The following PCYT1B variants were observed in gnomAD, a reference collection of about 807,000 sequenced individuals.
The protein encoded by PCYT1B is phosphate cytidylyltransferase 1B, choline, also known as choline-phosphate cytidylyltransferase B.
PCYT1B carries 10 observed loss-of-function variants against 26.4 expected under a neutral mutation model. The observed-to-expected ratio is 0.38, with a 90% CI of 0.23 to 0.64. PCYT1B has a LOEUF of 0.64. Among genes scored for constraint, PCYT1B ranks in the 30% least tolerant of loss-of-function variants. PCYT1B has a pLI of 0.56. For missense variants in PCYT1B, 161 were observed against 292.7 expected, an observed-to-expected ratio of 0.55 and a Z score of 3.28; for synonymous variants, 131 against 108.4, an observed-to-expected ratio of 1.21 and a Z score of -1.29.
At chrX:24,671,455 A>G (rs1260626473) in intron 1 of PCYT1B, among the ~76,000 whole-genome samples, 4 of 111,321 alleles carry the variant, frequency 3.6e-5, no homozygotes, top group African/African-American at 1.3e-4. Context: ...AATTTAAGAT[A>G]ACATGGAGGT....
chrX:24,572,289 C>CAT (rs79697857), intron 7 of PCYT1B, among the ~76,000 whole-genome samples: 237 of 109,965 alleles, frequency 2.2e-3, no homozygotes, highest in African/African-American at 7.8e-3. Context: ...CACACACACA[C>CAT]GTATATGGGG....
chrX:24,647,121 C>T lies in PCYT1B; in HGVS notation c.-16G>A. 2 of 1,208,691 alleles carry T rather than the reference C, an allele frequency of 1.7e-6. No homozygotes were observed. Among genetic ancestry groups the T allele is most frequent in the Non-Finnish European group, 2.2e-6 (2 of 893,432 alleles). On this transcript the variant is annotated 5_prime_UTR_variant, in exon 1 of 8. Transcript: ENST00000379144. ...CTACTGGCATGGCCAGTGAATGCTC[C>T]CTCTAGCTCTACACCCTCAGAGAGT...
At chrX:24,576,828 T>A (rs1315541151) in intron 6 of PCYT1B, among the ~76,000 whole-genome samples, 2 of 111,369 alleles carry the variant, frequency 1.8e-5, no homozygotes, top group African/African-American at 6.5e-5. Flanking sequence ...TGGGCCTCTG[T>A]TTCCTCATTT....
chrX:24,597,155 C>T (rs1471401645), intron 3 of PCYT1B, among the ~76,000 whole-genome samples: 4 of 105,609 alleles, frequency 3.8e-5, no homozygotes, highest in Non-Finnish European at 7.8e-5. Context: ...GATGGAGTCT[C>T]GCTCTGTCAC....
chrX:24,642,075 T>A (rs760392835), intron 1 of PCYT1B, among the ~76,000 whole-genome samples: 17 of 113,349 alleles, frequency 1.5e-4, no homozygotes, highest in Non-Finnish European at 2.6e-4. Flanking sequence ...AAGTCTAATA[T>A]GTTAAAGTCA....
chrX:24,619,040 C>T lies in PCYT1B; in HGVS notation c.162G>A (p.Gln54=), dbSNP rs6628025. The change falls in exon 2 of 8, where the codon CAG becomes CAA. Residue 54 remains glutamine, a synonymous_variant. Transcript: ENST00000379144. ...PAPFADETNC[Q]CQAPHEKLTI... ...TCAGTTTTTCATGGGGTGCTTGACACTGGCAGTTGGTTTCATCAGCAAATG... is the reference window on the plus strand; with the variant it reads ...TCAGTTTTTCATGGGGTGCTTGACATTGGCAGTTGGTTTCATCAGCAAATG... 7 of 1,190,030 alleles carry T rather than the reference C, an allele frequency of 5.9e-6. No homozygotes were observed. In the East Asian group the frequency reaches 2.1e-4, roughly 36 times the overall value.
upstream of PCYT1B, among the ~76,000 whole-genome samples, chrX:24,649,686 T>C (rs1196429124): frequency 1.8e-5 from 2 of 111,870 alleles, no homozygotes; most frequent in East Asian, 5.6e-4. Flanking sequence ...GCCATTCCTT[T>C]AGACTCCCAA....
intron 1 of PCYT1B, among the ~76,000 whole-genome samples, chrX:24,656,236 G>GC (rs1555966047): frequency 1.9e-4 from 19 of 98,951 alleles, no homozygotes; most frequent in Admixed American, 7.8e-4. Context: ...TCGCGGGGGG[G>GC]GGTGGTAATC....
intron 1 of PCYT1B, among the ~76,000 whole-genome samples, chrX:24,623,364 CATATATATATATAT>C (rs57642734): frequency 0.021 from 1,704 of 79,579 alleles, 27 homozygotes; most frequent in South Asian, 0.059. Context: ...ATGAGATTTA[CATATATATATATAT>C]ATATATATAT....
chrX:24,571,193 G>A (rs113397434), intron 7 of PCYT1B, among the ~76,000 whole-genome samples: 13 of 111,047 alleles, frequency 1.2e-4, no homozygotes, highest in African/African-American at 2.6e-4. Context: ...GTGAAACCCC[G>A]TCTCTACTAA....
intron 1 of PCYT1B, among the ~76,000 whole-genome samples, chrX:24,657,696 C>G (rs1033701665): frequency 3.6e-5 from 4 of 111,904 alleles, no homozygotes; most frequent in African/African-American, 1.3e-4. Flanking sequence ...ACCTGCCAGT[C>G]TTAATTAGCT....
At chrX:24,628,964 C>T (rs1925962941) in intron 1 of PCYT1B, among the ~76,000 whole-genome samples, 1 of 111,721 alleles carries the variant, frequency 9.0e-6, no homozygotes. Flanking sequence ...TTGCCTCCTA[C>T]AAAAGCTGTA....
chrX:24,623,174 C>T (rs1372887000), intron 1 of PCYT1B, among the ~76,000 whole-genome samples: 3 of 109,634 alleles, frequency 2.7e-5, no homozygotes, highest in South Asian at 7.9e-4. Flanking sequence ...AGAAGGTATT[C>T]GTTTGAAAGG....
At chrX:24,621,461 ATTTTTATTTAT>A (rs1024330930) in intron 1 of PCYT1B, among the ~76,000 whole-genome samples, 1 of 111,147 alleles carries the variant, frequency 9.0e-6, no homozygotes, top group Admixed American at 9.7e-5. Flanking sequence ...AAATTGACTC[ATTTTTATTTAT>A]TTTTTATTTA....
chrX:24,569,838 T>G (rs1472342496), intron 7 of PCYT1B, among the ~76,000 whole-genome samples: 2 of 111,612 alleles, frequency 1.8e-5, no homozygotes, highest in African/African-American at 6.5e-5. Flanking sequence ...TGGTGATGGT[T>G]GCAGGACAAT....
chrX:24,644,535 A>G (rs2148272255), intron 1 of PCYT1B, among the ~76,000 whole-genome samples: 1 of 110,781 alleles, frequency 9.0e-6, no homozygotes, highest in Admixed American at 9.7e-5. Context: ...TATCTCACTT[A>G]TGAGTATGTT....
In PCYT1B at chrX:24,564,114, G is replaced by A. The variant is rs1346349094; in HGVS notation, c.898-1609C>T. Among the ~76,000 whole-genome samples the A allele has an allele frequency of 2.2e-4, 24 of 109,655 alleles. No homozygotes were observed. In the Admixed American group the frequency reaches 2.3e-3, roughly 11 times the overall value. On this transcript the variant is annotated intron_variant, in intron 7 of 7. Transcript: ENST00000379144. ...GGAGAACCACTTGAACCCAGAAGGT[G>A]GAGGTTGCAGTGAGCCGAGATGGCG...
At chrX:24,580,092 T>G (rs1924159751) in intron 5 of PCYT1B, among the ~76,000 whole-genome samples, 1 of 112,442 alleles carries the variant, frequency 8.9e-6, no homozygotes, top group African/African-American at 3.2e-5. Flanking sequence ...AGAGGATCAC[T>G]TGAGTCCAAG....
At chrX:24,641,416 T>A (rs745407353) in intron 1 of PCYT1B, among the ~76,000 whole-genome samples, 1 of 112,755 alleles carries the variant, frequency 8.9e-6, no homozygotes, top group African/African-American at 3.2e-5. Flanking sequence ...TAGAATAAGA[T>A]AGGATAGCAT....
Sources: allele counts gnomAD v4.1 joint callset (sites outside exome capture counted in the v4.1 genomes callset), GRCh38; gene constraint gnomAD v4.1.1; transcripts MANE v1.5; gene names NCBI Gene and HGNC (gene_info 2026-07-23, HGNC 2026-07-21).